The following CNTLN variants were observed in gnomAD, a reference collection of about 807,000 sequenced individuals.
The protein encoded by CNTLN is centlein.
In CNTLN, 212 loss-of-function variants were observed where a neutral mutation model predicts 180.0. The ratio of observed to expected loss-of-function variants is 1.18; its 90% CI spans 1.05 to 1.32. The LOEUF is 1.32. CNTLN is among the 40% of genes most tolerant of loss of function. The pLI is 0.00. For missense variants in CNTLN, 2,095 were observed against 1,610.9 expected, an observed-to-expected ratio of 1.30 and a Z score of -5.14; for synonymous variants, 722 against 563.1, an observed-to-expected ratio of 1.28 and a Z score of -3.99.
chr9:17,391,878 G>A lies in CNTLN; in HGVS notation c.2080-2656G>A, dbSNP rs542959504. On this transcript the variant is annotated intron_variant, in intron 14 of 25. Coordinates refer to ENST00000380647, the MANE Select transcript of CNTLN (RefSeq NM_017738.4). ...AATACTCCCAACAAAACTGCAAGAT[G>A]TAGGTATTACTATCCTCATTTCACA... is the stretch of plus-strand genomic sequence containing the variant. Among the ~76,000 whole-genome samples the A allele has an allele frequency of 2.6e-5, 4 of 152,214 alleles. No homozygotes were observed. In the South Asian group the frequency reaches 6.2e-4, roughly 24 times the overall value.
At chr9:17,438,527 A>G (rs1198720774) in intron 18 of CNTLN, among the ~76,000 whole-genome samples, 1 of 152,158 alleles carries the variant, frequency 6.6e-6, no homozygotes, top group Non-Finnish European at 1.5e-5. Flanking sequence ...GTGGTGAGAA[A>G]ATACCAAGAA....
At chr9:17,494,838 A>T in intron 25 of CNTLN, 1 of 396,976 alleles carries the variant, frequency 2.5e-6, no homozygotes, top group East Asian at 7.3e-5. Flanking sequence ...TAATGATAAT[A>T]AATGTCTGTT....
intron 2 of CNTLN, among the ~76,000 whole-genome samples, chr9:17,212,970 G>A (rs1003382567): frequency 4.6e-5 from 7 of 151,798 alleles, no homozygotes; most frequent in South Asian, 4.2e-4. Context: ...TCTTGCTAGC[G>A]GTCTATCAAT....
intron 5 of CNTLN, among the ~76,000 whole-genome samples, chr9:17,251,069 C>G (rs1175718233): frequency 6.6e-6 from 1 of 151,954 alleles, no homozygotes; most frequent in Non-Finnish European, 1.5e-5. Flanking sequence ...AATATGTTAT[C>G]TCAGTGCCTC....
At chr9:17,482,342 A>G (rs1229303775) in intron 23 of CNTLN, among the ~76,000 whole-genome samples, 1 of 152,026 alleles carries the variant, frequency 6.6e-6, no homozygotes, top group African/African-American at 2.4e-5. Flanking sequence ...CAACTGAAAA[A>G]CTCCTATAAA....
At chr9:17,454,297 A>G (rs1382546666) in intron 18 of CNTLN, among the ~76,000 whole-genome samples, 2 of 152,226 alleles carry the variant, frequency 1.3e-5, no homozygotes, top group Non-Finnish European at 2.9e-5. Flanking sequence ...TTTGGTTAGA[A>G]ATAATTGACT....
intron 25 of CNTLN, among the ~76,000 whole-genome samples, chr9:17,501,211 A>G (rs1241802129): frequency 6.6e-6 from 1 of 152,202 alleles, no homozygotes; most frequent in African/African-American, 2.4e-5. Context: ...CTTTAGTGGT[A>G]AGTTTCAAGT....
At chr9:17,158,760 C>T (rs1348359741) in intron 2 of CNTLN, among the ~76,000 whole-genome samples, 4 of 152,012 alleles carry the variant, frequency 2.6e-5, no homozygotes, top group Admixed American at 6.6e-5. Context: ...TTCTCTTTAT[C>T]ATGATCAGTC....
chr9:17,257,574 T>C lies in CNTLN; in HGVS notation c.850-16159T>C, dbSNP rs373419452. Among the ~76,000 whole-genome samples the C allele has an allele frequency of 3.9e-4, 59 of 150,852 alleles. No homozygotes were observed. The East Asian group carries it at 4.5e-3, about 11-fold the overall frequency. On this transcript the variant is annotated intron_variant, in intron 5 of 25. Transcript: ENST00000380647. ...CACACTGACTTCCACAATGGTTGAA[T>C]TAGTTTACAGTCCCACCAACAGTGT...
At chr9:17,394,198 A>G (rs1209995038) in intron 14 of CNTLN, among the ~76,000 whole-genome samples, 2 of 152,136 alleles carry the variant, frequency 1.3e-5, no homozygotes, top group African/African-American at 4.8e-5. Context: ...ATTTGTGTAT[A>G]TTATTTTTCT....
intron 2 of CNTLN, among the ~76,000 whole-genome samples, chr9:17,225,616 G>C (rs1824415995): frequency 6.6e-6 from 1 of 151,790 alleles, no homozygotes; most frequent in Admixed American, 6.6e-5. Context: ...GCTTTATAAA[G>C]CTATATTTGT....
At chr9:17,517,402 A>G in the CNTLN span, among the ~76,000 whole-genome samples, 5 of 126,334 alleles carry the variant, frequency 4.0e-5, no homozygotes, top group African/African-American at 1.9e-4. Context: ...AAACAAAACA[A>G]AAAAAAAAAG....
intron 2 of CNTLN, among the ~76,000 whole-genome samples, chr9:17,204,021 T>C (rs7870287): frequency 0.16 from 24,819 of 152,202 alleles, 2,558 homozygotes; most frequent in East Asian, 0.47. Context: ...AGGTCATTTA[T>C]GTTCCTCTCT....
intron 5 of CNTLN, among the ~76,000 whole-genome samples, chr9:17,255,576 T>G (rs927918201): frequency 2.0e-5 from 3 of 151,850 alleles, no homozygotes; most frequent in African/African-American, 7.2e-5. Flanking sequence ...TTGCTAGTAT[T>G]TTGTTTATGA....
At chr9:17,256,598 A>C (rs1587359670) in intron 5 of CNTLN, among the ~76,000 whole-genome samples, 1 of 148,720 alleles carries the variant, frequency 6.7e-6, no homozygotes, top group East Asian at 2.0e-4. Flanking sequence ...GTTGTCTTTT[A>C]TTTGCAATTC....
intron 2 of CNTLN, among the ~76,000 whole-genome samples, chr9:17,214,481 C>T (rs948726086): frequency 6.6e-6 from 1 of 152,148 alleles, no homozygotes. Flanking sequence ...TCTGGCTGCC[C>T]TTAATATTTT....
chr9:17,334,486 A>G (rs1166075351), intron 10 of CNTLN, among the ~76,000 whole-genome samples: 1 of 152,148 alleles, frequency 6.6e-6, no homozygotes, highest in African/African-American at 2.4e-5. Flanking sequence ...TCCTTATAGT[A>G]AATTAGATTT....
chr9:17,330,588 A>G, intron 8 of CNTLN, 44 bp from the exon 9 acceptor site: 1 of 1,037,942 alleles, frequency 9.6e-7, no homozygotes, highest in East Asian at 2.5e-5. Flanking sequence ...ATAATGTAAG[A>G]TACAAACATA....
At chr9:17,460,650 C>T (rs895037428) in intron 19 of CNTLN, among the ~76,000 whole-genome samples, 11 of 151,708 alleles carry the variant, frequency 7.3e-5, no homozygotes, top group Admixed American at 2.0e-4. Context: ...TGTATCTCAA[C>T]CTGGCATTGT....
Sources: gnomAD v4.1 joint callset for allele counts (sites outside exome capture counted in the v4.1 genomes callset) on GRCh38, gnomAD v4.1.1 for gene constraint, MANE v1.5 for transcripts, NCBI Gene and HGNC (gene_info 2026-07-23, HGNC 2026-07-21) for gene names.